Variants in UNC5D observed in about 807,000 individuals in gnomAD.
The protein encoded by UNC5D is unc-5 netrin receptor D.
Under a neutral mutation model 105.4 loss-of-function variants are expected in UNC5D, and 39 were observed. The observed-to-expected ratio is 0.37, with a 90% CI of 0.29 to 0.48. The LOEUF (loss-of-function observed/expected upper bound fraction) is 0.48, where lower values mean the gene tolerates loss of function less well. Ranked by LOEUF, UNC5D falls within the 20% of genes least tolerant of loss-of-function variation. UNC5D has a pLI of 0.98. For synonymous variants in UNC5D, 452 were observed against 450.4 expected (o/e 1.00, Z -0.04); for missense variants, 991 against 1,202.4 (o/e 0.82, Z 2.60).
At chr8:35,579,386 C>A (rs923707116) in intron 3 of UNC5D, among the ~76,000 whole-genome samples, 1 of 151,966 alleles carries the variant, frequency 6.6e-6, no homozygotes, top group Non-Finnish European at 1.5e-5. Flanking sequence ...AAATATTGTC[C>A]ATTTCTTTGA....
chr8:35,719,904 T>G (rs768429481), intron 8 of UNC5D, among the ~76,000 whole-genome samples: 19 of 152,132 alleles, frequency 1.2e-4, no homozygotes, highest in Non-Finnish European at 2.1e-4. Context: ...CCTCTACTCA[T>G]TTTTAAAATT....
At chr8:35,487,593 A>ACACACACACC (rs1415748793) in intron 1 of UNC5D, among the ~76,000 whole-genome samples, 1 of 150,472 alleles carries the variant, frequency 6.6e-6, no homozygotes, top group African/African-American at 2.5e-5. Flanking sequence ...ACACACACAC[A>ACACACACACC]CCCCACAGAC....
At chr8:35,431,761 C>G (rs1806652404) in intron 1 of UNC5D, among the ~76,000 whole-genome samples, 1 of 152,054 alleles carries the variant, frequency 6.6e-6, no homozygotes, top group Admixed American at 6.6e-5. Context: ...TTTGATATCA[C>G]AGTACATAGT....
Position 35,731,582 on chromosome 8 carries a change from A to G in UNC5D, c.1766+486A>G, listed in dbSNP as rs370285539. Among the ~76,000 whole-genome samples the G allele has an allele frequency of 1.8e-4, 28 of 152,230 alleles. No homozygotes were observed. The South Asian group carries it at 3.1e-3, about 17-fold the overall frequency. On this transcript the variant is annotated intron_variant, in intron 11 of 16. Coordinates refer to ENST00000404895, the MANE Select transcript of UNC5D (RefSeq NM_080872.4). Reference sequence around the variant, plus strand: ...AAACTACTGGCTGAAATGAAACCATACATGACTCCACAGTTTTATGGTCAC... The same window carrying G: ...AAACTACTGGCTGAAATGAAACCATGCATGACTCCACAGTTTTATGGTCAC...
chr8:35,706,702 T>C (rs1457411566), intron 8 of UNC5D, among the ~76,000 whole-genome samples: 6 of 152,044 alleles, frequency 3.9e-5, no homozygotes, highest in Non-Finnish European at 8.8e-5. Context: ...AAGGTGCAGG[T>C]GGGGCTGAGA....
At chr8:35,750,000 A>AAAGT (rs397816752) in intron 12 of UNC5D, among the ~76,000 whole-genome samples, 1 of 151,740 alleles carries the variant, frequency 6.6e-6, no homozygotes, top group Non-Finnish European at 1.5e-5. Context: ...AAAAAAAAAA[A>AAAGT]AGTTTGCTTA....
At chr8:35,643,876 T>G (rs1340810638) in intron 4 of UNC5D, among the ~76,000 whole-genome samples, 1 of 152,094 alleles carries the variant, frequency 6.6e-6, no homozygotes, top group Non-Finnish European at 1.5e-5. Context: ...AAAAAATAAA[T>G]CCCTGCTCTT....
chr8:35,671,274 G>C (rs1197736838), intron 4 of UNC5D, among the ~76,000 whole-genome samples: 1 of 152,102 alleles, frequency 6.6e-6, no homozygotes, highest in Non-Finnish European at 1.5e-5. Context: ...CTCATTAAAT[G>C]GAATTGCATT....
At chr8:35,740,668 A>T (rs1586566833) in intron 11 of UNC5D, among the ~76,000 whole-genome samples, 1 of 152,130 alleles carries the variant, frequency 6.6e-6, no homozygotes, top group African/African-American at 2.4e-5. Flanking sequence ...ATTTTAATTT[A>T]AACTCCAGGT....
chr8:35,253,647 C>T (rs2128813980), intron 1 of UNC5D, among the ~76,000 whole-genome samples: 1 of 151,874 alleles, frequency 6.6e-6, no homozygotes, highest in East Asian at 2.0e-4. Context: ...CCACCACGCC[C>T]AGCTAATTTT....
chr8:35,647,154 A>C (rs2131160901), intron 4 of UNC5D, among the ~76,000 whole-genome samples: 1 of 152,328 alleles, frequency 6.6e-6, no homozygotes. Context: ...GAAACTGTTT[A>C]TCAAAAGAAA....
rs1802985632 is a variant in UNC5D at position 35,790,437 on chromosome 8, T to C, written c.2736T>C (p.Asp912=). ...LNLWEARHQH[D]GDLDSLACAL... is the part of the protein sequence containing the mutation. ...TGTGGGAAGCTCGTCATCAGCATGA[T>C]GGTGATCTTGACTCCCTGGCCTGTG... Residue 912 remains aspartate (D), a synonymous_variant, in exon 17 of 17, where the codon GAT becomes GAC. Coordinates refer to ENST00000404895, the MANE Select transcript of UNC5D (RefSeq NM_080872.4). 3 of 1,613,854 alleles carry C rather than the reference T, an allele frequency of 1.9e-6. No homozygotes were observed. Among genetic ancestry groups the C allele is most frequent in the East Asian group, 2.2e-5 (1 of 44,874 alleles).
intron 1 of UNC5D, among the ~76,000 whole-genome samples, chr8:35,398,323 A>G (rs993690457): frequency 1.3e-5 from 2 of 152,042 alleles, no homozygotes; most frequent in African/African-American, 4.8e-5. Context: ...ATAACAACCT[A>G]TCATTTTCCA....
chr8:35,426,395 T>A (rs1311650362), intron 1 of UNC5D, among the ~76,000 whole-genome samples: 1 of 152,132 alleles, frequency 6.6e-6, no homozygotes, highest in African/African-American at 2.4e-5. Context: ...AAAAAAAACT[T>A]CTGTAAAAGT....
At chr8:35,433,582 A>C (rs1209568971) in intron 1 of UNC5D, among the ~76,000 whole-genome samples, 2 of 152,216 alleles carry the variant, frequency 1.3e-5, no homozygotes, top group African/African-American at 4.8e-5. Context: ...TTAGACTAGA[A>C]TATGAACATA....
intron 2 of UNC5D, among the ~76,000 whole-genome samples, chr8:35,556,069 T>C (rs1318779499): frequency 6.6e-6 from 1 of 152,088 alleles, no homozygotes; most frequent in African/African-American, 2.4e-5. Context: ...TTCCTCCGTG[T>C]GTAAAATGGC....
intron 13 of UNC5D, among the ~76,000 whole-genome samples, chr8:35,758,682 G>T (rs933663242): frequency 6.6e-6 from 1 of 152,184 alleles, no homozygotes; most frequent in African/African-American, 2.4e-5. Flanking sequence ...AGATTTTTCA[G>T]TGAAAGCTAC....
At chr8:35,500,737 G>A (rs1390665964) in intron 1 of UNC5D, among the ~76,000 whole-genome samples, 2 of 152,064 alleles carry the variant, frequency 1.3e-5, no homozygotes, top group Non-Finnish European at 2.9e-5. Flanking sequence ...TGTATATCAC[G>A]GCTGCGTGAT....
At chr8:35,247,418 C>T (rs1803184937) in intron 1 of UNC5D, among the ~76,000 whole-genome samples, 1 of 145,810 alleles carries the variant, frequency 6.9e-6, no homozygotes, top group Non-Finnish European at 1.5e-5. Flanking sequence ...TGCCTTAAGT[C>T]TTAATCTTAA....
Sources: allele counts gnomAD v4.1 joint callset (sites outside exome capture counted in the v4.1 genomes callset), GRCh38; gene constraint gnomAD v4.1.1; transcripts MANE v1.5; gene names NCBI Gene and HGNC (gene_info 2026-07-23, HGNC 2026-07-21).